TTLL4: variants seen among roughly 807,000 people sequenced by gnomAD.
TTLL4 encodes tubulin tyrosine ligase like 4.
TTLL4 carries 85 observed loss-of-function variants against 122.7 expected under a neutral mutation model. The observed-to-expected ratio is 0.69, with a 90% CI of 0.58 to 0.83. The LOEUF (loss-of-function observed/expected upper bound fraction) is 0.83. TTLL4 is among the 40% of genes least tolerant of loss of function. The pLI is 0.00. For synonymous variants in TTLL4, 553 were observed against 563.0 expected, an observed-to-expected ratio of 0.98 and a Z score of 0.25; for missense variants, 1,363 against 1,488.6, an observed-to-expected ratio of 0.92 and a Z score of 1.39.
intron 18 of TTLL4, 94 bp from the exon 19 acceptor site, chr2:218,753,490 C>G: frequency 8.1e-7 from 1 of 1,231,332 alleles, no homozygotes; most frequent in Non-Finnish European, 1.2e-6. Context: ...CCCCATGATC[C>G]ATTTAGAGGT....
At position 218,738,956 on chromosome 2, in the gene TTLL4, A is replaced by G. The variant is rs772181478; in HGVS notation, c.1280A>G (p.His427Arg). ...KRISIHLLAS[H>R]ASGLNHNPAC... Reference sequence around the variant, plus strand: ...ATCAGCATTCACCTCCTTGCCTCACATGCCAGTGGGCTCAATCACAACCCT... The same window carrying G: ...ATCAGCATTCACCTCCTTGCCTCACGTGCCAGTGGGCTCAATCACAACCCT... Residue 427 changes from histidine to arginine, a missense_variant, in exon 3 of 20, where the codon CAT (histidine) becomes CGT (arginine). Around this residue, in one of 3 missense-constraint regions of TTLL4, gnomAD observed 760 missense variants for 808.4 expected, o/e 0.94. Transcript: ENST00000392102. The G allele has an allele frequency of 1.4e-5, 22 of 1,614,102 alleles. No individual in the cohort carries two copies. Among genetic ancestry groups the G allele is most frequent in the Non-Finnish European group, 8.5e-6 (10 of 1,180,056 alleles).
Position 218,738,421 on chromosome 2 carries a change from C to T in TTLL4, c.745C>T (p.Pro249Ser), listed in dbSNP as rs535522951. 1.1e-4 allele frequency: 182 copies of T among 1,614,196 alleles called. No individual in the cohort carries two copies. In the South Asian group the frequency reaches 1.9e-3, roughly 17 times the overall value. The change falls in exon 3 of 20, where the codon CCT becomes TCT. Residue 249 changes from proline to serine, a missense_variant. Coordinates refer to ENST00000392102, the MANE Select transcript of TTLL4 (RefSeq NM_014640.5). The part of the protein sequence containing the change: ...LKPVSPPKIQ[P>S]VSWHHSGGTG... ...GCCAGTATCGCCACCCAAGATCCAG[C>T]CTGTCTCCTGGCATCATTCAGGGGG...
chr2:218,750,077 C>T lies in TTLL4; in HGVS notation c.2804C>T (p.Ala935Val), dbSNP rs777416760. Reference protein sequence around the residue: ...GQMIRDLLNLAGFVLPNAEDI... With the variant: ...GQMIRDLLNLVGFVLPNAEDI... ...ATGATTCGTGACCTTCTGAATCTGG[C>T]AGGTTTTGTCCTGCCCAATGCAGAG... is the stretch of plus-strand genomic sequence containing the variant. The change falls in exon 15 of 20, where the codon GCA (alanine) becomes GTA (valine). Residue 935 changes from alanine (A) to valine (V), a missense_variant. By Grantham distance (64) the Ala-to-Val change is moderately conservative. Transcript: ENST00000392102. 4.3e-6 allele frequency: 7 copies of T among 1,614,126 alleles called. No individual in the cohort carries two copies. The highest frequency in any genetic ancestry group is 5.1e-6 in the Non-Finnish European group (6 of 1,179,988).
chr2:218,748,654 CA>C (rs570493846), intron 12 of TTLL4, 181 bp from the exon 13 acceptor site: 29,686 of 227,718 alleles, frequency 0.13, 1 homozygote, highest in East Asian at 0.17. Flanking sequence ...AACTCCATCT[CA>C]AAAAAAAAAA....
At chr2:218,715,699 G>C (rs147161860) in intron 1 of TTLL4, among the ~76,000 whole-genome samples, 1,760 of 151,898 alleles carry the variant, frequency 0.012, 35 homozygotes, top group African/African-American at 0.04. Flanking sequence ...GCGCAATCTC[G>C]GCTCACTGCA....
chr2:218,718,605 C>CCT (rs1941939342), intron 1 of TTLL4, among the ~76,000 whole-genome samples: 1 of 152,028 alleles, frequency 6.6e-6, no homozygotes, highest in African/African-American at 2.4e-5. Flanking sequence ...TTCGAACTCT[C>CCT]GACCTCAGGT....
At chr2:218,748,964 G>A (rs1188675272) in intron 13 of TTLL4, 30 bp downstream of exon 13, 3 of 1,604,692 alleles carry the variant, frequency 1.9e-6, no homozygotes, top group South Asian at 1.1e-5. Context: ...TGGATGTGGG[G>A]CCTGCTGCTG....
chr2:218,752,932 C>A lies in TTLL4; in HGVS notation c.3146C>A (p.Thr1049Asn), dbSNP rs755306531. The change falls in exon 17 of 20, where the codon ACC becomes AAC. Residue 1049 changes from threonine (T) to asparagine (N), a missense_variant. This residue lies in a region of TTLL4 where 596 missense variants were observed against 655.8 expected (regional missense o/e 0.91). Transcript: ENST00000392102. ...CAGCCACGATATTTCAACATTCTCACCACCCAATGGGAACAGAAATACCAT... is the reference window on the plus strand; with the variant it reads ...CAGCCACGATATTTCAACATTCTCAACACCCAATGGGAACAGAAATACCAT... ...FEQPRYFNIL[T>N]TQWEQKYHGN... The A allele has an allele frequency of 3.7e-6, 6 of 1,614,178 alleles. No individual in the cohort carries two copies. Among genetic ancestry groups the A allele is most frequent in the Non-Finnish European group, 5.1e-6 (6 of 1,180,028 alleles).
chr2:218,725,052 A>G lies in TTLL4; in HGVS notation c.-177-2217A>G, dbSNP rs557288511. Among the ~76,000 whole-genome samples, 5 of 152,142 alleles carry G rather than the reference A, an allele frequency of 3.3e-5. No individual in the cohort carries two copies. In the East Asian group the frequency reaches 9.7e-4, roughly 29 times the overall value. ...CTAGCTGGGACCATAGGCACATGCC[A>G]CCACACCCAGCTAATTTTTATTTTT... On this transcript the variant is annotated intron_variant, in intron 1 of 19. Coordinates refer to ENST00000392102, the MANE Select transcript of TTLL4 (RefSeq NM_014640.5).
chr2:218,712,128 A>G (rs1163953625), intron 1 of TTLL4, among the ~76,000 whole-genome samples: 1 of 152,210 alleles, frequency 6.6e-6, no homozygotes, highest in Non-Finnish European at 1.5e-5. Flanking sequence ...GGAAAGGGAC[A>G]GCAAGTCCTG....
chr2:218,754,975 C>T lies in TTLL4; in HGVS notation c.*586C>T, dbSNP rs755807778. ...GGTCTTCACCGCCTCCTTCCAAATACCCACCCTGCCAGCAGCCCTAGGTCT... is the reference window on the plus strand; with the variant it reads ...GGTCTTCACCGCCTCCTTCCAAATATCCACCCTGCCAGCAGCCCTAGGTCT... On this transcript the variant is annotated 3_prime_UTR_variant, in exon 20 of 20. Transcript: ENST00000392102. 35 of 154,976 alleles carry T rather than the reference C, an allele frequency of 2.3e-4. No homozygotes were observed. The highest frequency in any genetic ancestry group is 4.3e-4 in the Non-Finnish European group (30 of 69,936). The allele number at this position is 154,976 out of a possible 1,614,324, so 9.6% of individuals were successfully genotyped here.
Position 218,737,974 on chromosome 2 carries a change from A to G in TTLL4, c.298A>G (p.Ser100Gly). ...SGTTAVIAGHSSSCYLHSLPD... is the reference protein window; with the variant it reads ...SGTTAVIAGHGSSCYLHSLPD... ...GACCACGGCTGTCATTGCAGGCCACAGCAGTTCCTGTTACCTACACTCTCT... is the reference window on the plus strand; with the variant it reads ...GACCACGGCTGTCATTGCAGGCCACGGCAGTTCCTGTTACCTACACTCTCT... Residue 100 changes from serine to glycine, a missense_variant, in exon 3 of 20, where the codon AGC (serine) becomes GGC (glycine). Ser to Gly is a moderately conservative substitution (Grantham distance 56, BLOSUM62 0). Transcript: ENST00000392102. The G allele has an allele frequency of 1.2e-6, 2 of 1,614,224 alleles. No individual in the cohort carries two copies. Among genetic ancestry groups the G allele is most frequent in the Non-Finnish European group, 1.7e-6 (2 of 1,180,046 alleles).
chr2:218,723,950 G>A (rs1942115547), intron 1 of TTLL4, among the ~76,000 whole-genome samples: 1 of 152,148 alleles, frequency 6.6e-6, no homozygotes, highest in African/African-American at 2.4e-5. Flanking sequence ...ATAGTTTATA[G>A]TATTATCAAT....
At chr2:218,749,446 T>C in intron 14 of TTLL4, 59 bp downstream of exon 14, 1 of 1,584,044 alleles carries the variant, frequency 6.3e-7, no homozygotes, top group Non-Finnish European at 8.6e-7. Flanking sequence ...CACGCTCCCA[T>C]TGCCACTCCA....
intron 2 of TTLL4, among the ~76,000 whole-genome samples, chr2:218,728,717 A>G (rs1158226494): frequency 6.6e-6 from 1 of 152,268 alleles, no homozygotes; most frequent in East Asian, 1.9e-4. Context: ...GACCTGTAGA[A>G]CATACCTCCT....
intron 15 of TTLL4, among the ~76,000 whole-genome samples, chr2:218,750,416 G>A (rs1324357675): frequency 6.6e-6 from 1 of 152,144 alleles, no homozygotes; most frequent in Non-Finnish European, 1.5e-5. Context: ...CCAGCTACTT[G>A]GGAGACTGAA....
intron 12 of TTLL4, 55 bp from the exon 13 acceptor site, chr2:218,748,781 T>A (rs1438963049): frequency 6.5e-7 from 1 of 1,528,478 alleles, no homozygotes; most frequent in Non-Finnish European, 9.0e-7. Flanking sequence ...TTTCTTTGTC[T>A]TTGTCACTCA....
chr2:218,751,965 T>C (rs1943032767), intron 16 of TTLL4, among the ~76,000 whole-genome samples, 159 bp downstream of exon 16: 2 of 141,210 alleles, frequency 1.4e-5, no homozygotes, highest in Non-Finnish European at 3.0e-5. Context: ...TGGAGTGCAA[T>C]GGTGCGATCT....
At chr2:218,724,160 A>G (rs1942120732) in intron 1 of TTLL4, among the ~76,000 whole-genome samples, 1 of 152,202 alleles carries the variant, frequency 6.6e-6, no homozygotes, top group Non-Finnish European at 1.5e-5. Flanking sequence ...CATTTGATGA[A>G]TCTGGGGAAA....
Sources: gnomAD v4.1 joint callset for allele counts (sites outside exome capture counted in the v4.1 genomes callset) on GRCh38, gnomAD v4.1.1 for gene constraint, gnomAD v4.1.1 regional missense constraint, MANE v1.5 for transcripts, NCBI Gene and HGNC (gene_info 2026-07-23, HGNC 2026-07-21) for gene names.